The following GAS7 variants were observed in gnomAD, a reference collection of about 807,000 sequenced individuals.
GAS7 encodes growth arrest specific 7, also known as growth arrest-specific protein 7.
A neutral mutation model predicts 71.1 loss-of-function variants in GAS7; 28 were observed. The ratio of observed to expected loss-of-function variants is 0.39; its 90% CI spans 0.29 to 0.54. The LOEUF (loss-of-function observed/expected upper bound fraction) is 0.54. Ranked by LOEUF, GAS7 falls within the 20% of genes least tolerant of loss-of-function variation. The pLI is 0.62. For missense variants in GAS7, 436 were observed against 627.8 expected (o/e 0.69, Z 3.27); for synonymous variants, 258 against 245.8 (o/e 1.05, Z -0.46).
chr17:10,112,893 T>C (rs891709886), intron 1 of GAS7, among the ~76,000 whole-genome samples: 18 of 151,838 alleles, frequency 1.2e-4, no homozygotes, highest in Admixed American at 1.1e-3. Context: ...AGTCCAGTAG[T>C]GTCATCACAA....
At chr17:10,096,674 T>C (rs1471386511) in intron 1 of GAS7, among the ~76,000 whole-genome samples, 3 of 152,206 alleles carry the variant, frequency 2.0e-5, no homozygotes, top group Non-Finnish European at 4.4e-5. Context: ...GCCACTCCAT[T>C]TCATGGGGCT....
chr17:9,998,509 G>A (rs975499946), intron 2 of GAS7, among the ~76,000 whole-genome samples: 1 of 152,152 alleles, frequency 6.6e-6, no homozygotes, highest in African/African-American at 2.4e-5. Flanking sequence ...GAAAGATCGC[G>A]CCCGTGATCC....
intron 7 of GAS7, among the ~76,000 whole-genome samples, chr17:9,941,349 G>A (rs563016564): frequency 2.6e-5 from 4 of 152,120 alleles, no homozygotes; most frequent in African/African-American, 9.7e-5. Flanking sequence ...CCACGCTCCC[G>A]GCTCCTCAAT....
At chr17:10,080,211 G>A (rs756667920) in intron 1 of GAS7, among the ~76,000 whole-genome samples, 4 of 152,240 alleles carry the variant, frequency 2.6e-5, no homozygotes, top group African/African-American at 4.8e-5. Context: ...CTCATTATAC[G>A]CTAATTATAA....
intron 11 of GAS7, among the ~76,000 whole-genome samples, chr17:9,921,163 T>TC (rs1216997269): frequency 1.3e-5 from 2 of 150,672 alleles, no homozygotes; most frequent in East Asian, 3.9e-4. Flanking sequence ...TTTTCTTTTT[T>TC]TTTTTTTTTT....
At position 9,959,328 on chromosome 17, in the gene GAS7, CCT is replaced by C; in HGVS notation, c.472-75_472-74del. The C allele has an allele frequency of 6.2e-7, 1 of 1,607,480 alleles. No individual in the cohort carries two copies. Among genetic ancestry groups the C allele is most frequent in the Non-Finnish European group, 8.5e-7 (1 of 1,176,706 alleles). On this transcript the variant is annotated intron_variant, in intron 4 of 13. Coordinates refer to ENST00000432992, the MANE Select transcript of GAS7 (RefSeq NM_201433.2). The surrounding 1 kb of genome is among the most constrained non-coding windows in gnomAD (Gnocchi z 5.0). Reference sequence around the variant, plus strand: ...ACATTTTTTCCCCCCATTCAGGTTCCCTGAGGGTGGAGGCGCTGGGGAATCAG... The same window carrying C: ...ACATTTTTTCCCCCCATTCAGGTTCCGAGGGTGGAGGCGCTGGGGAATCAG...
Position 9,926,612 on chromosome 17 carries a change from G to A in GAS7, c.1014+29C>T. ...CTTCCAGGCAGTCCCCCATGCACCTGCCCTGGCCCAGCGTCCTGGGCCTCT... is the reference window on the plus strand; with the variant it reads ...CTTCCAGGCAGTCCCCCATGCACCTACCCTGGCCCAGCGTCCTGGGCCTCT... On this transcript the variant is annotated intron_variant, in intron 10 of 13. Transcript: ENST00000432992. This position sits in a 1 kb window ranked among gnomAD's most constrained non-coding sequence, Gnocchi z 5.0. 6.2e-7 allele frequency: 1 copy of A among 1,610,164 alleles called. No individual in the cohort carries two copies. The highest frequency in any genetic ancestry group is 1.1e-5 in the South Asian group (1 of 91,054).
chr17:10,014,959 T>A (rs1286559542), intron 2 of GAS7, among the ~76,000 whole-genome samples: 1 of 151,976 alleles, frequency 6.6e-6, no homozygotes, highest in Non-Finnish European at 1.5e-5. Context: ...ATCAAGACCA[T>A]GCTGGCCAAC....
At chr17:10,135,560 G>A (rs559032556) in intron 1 of GAS7, among the ~76,000 whole-genome samples, 68 of 152,318 alleles carry the variant, frequency 4.5e-4, no homozygotes, top group African/African-American at 1.6e-3. Context: ...GTTTATATCT[G>A]TTTAAGTTCC....
chr17:9,990,892 G>A (rs1024857422), intron 2 of GAS7, among the ~76,000 whole-genome samples: 11 of 152,132 alleles, frequency 7.2e-5, no homozygotes, highest in Admixed American at 6.5e-4. Flanking sequence ...GAGCTCTGGC[G>A]CTGGCATCTT....
chr17:10,142,806 A>T (rs1376679982), intron 1 of GAS7, among the ~76,000 whole-genome samples: 1 of 152,220 alleles, frequency 6.6e-6, no homozygotes, highest in East Asian at 1.9e-4. Context: ...AAACAGTTCT[A>T]TATGAGGATG....
In GAS7 at chr17:9,974,333, C is replaced by T. The variant is rs1044416949; in HGVS notation, c.386-4571G>A. On this transcript the variant is annotated intron_variant, in intron 3 of 13. Transcript: ENST00000432992. The surrounding 1 kb of genome is among the most constrained non-coding windows in gnomAD (Gnocchi z 4.0). ...TAGCCCACAAGATCCTGGCAACCCTCACCCACGGCATTCCTCATTGCTATT... is the reference window on the plus strand; with the variant it reads ...TAGCCCACAAGATCCTGGCAACCCTTACCCACGGCATTCCTCATTGCTATT... Among the ~76,000 whole-genome samples, 6 of 152,168 alleles carry T rather than the reference C, an allele frequency of 3.9e-5. No individual in the cohort carries two copies. Among genetic ancestry groups the T allele is most frequent in the Admixed American group, 1.3e-4 (2 of 15,284 alleles).
chr17:10,176,992 A>T (rs1047690964), intron 1 of GAS7, among the ~76,000 whole-genome samples: 1 of 152,128 alleles, frequency 6.6e-6, no homozygotes, highest in African/African-American at 2.4e-5. Flanking sequence ...GACACCAAGC[A>T]CCATGCCAGA....
At chr17:10,102,857 A>G (rs1338885689) in intron 1 of GAS7, among the ~76,000 whole-genome samples, 1 of 152,000 alleles carries the variant, frequency 6.6e-6, no homozygotes, top group Admixed American at 6.6e-5. Context: ...ACAGGCACTC[A>G]ACTCTTGCTT....
Position 9,962,239 on chromosome 17 carries a change from TACACACACACACAC to T in GAS7, c.472-2998_472-2985del, listed in dbSNP as rs58521200. Among the ~76,000 whole-genome samples the T allele has an allele frequency of 2.7e-5, 4 of 148,736 alleles. No individual in the cohort carries two copies. In the East Asian group the frequency reaches 8.0e-4, roughly 30 times the overall value. ...TCATATACATATCACGTGCATTTTATACACACACACACACACACACACACACACGTGACACACAC... is the reference window on the plus strand; with the variant it reads ...TCATATACATATCACGTGCATTTTATACACACACACACACGTGACACACAC... On this transcript the variant is annotated intron_variant, in intron 4 of 13. Coordinates refer to ENST00000432992, the MANE Select transcript of GAS7 (RefSeq NM_201433.2).
chr17:10,104,635 C>A (rs1183286580), intron 1 of GAS7, among the ~76,000 whole-genome samples: 1 of 152,132 alleles, frequency 6.6e-6, no homozygotes, highest in Non-Finnish European at 1.5e-5. Flanking sequence ...CAAAACTAGA[C>A]CTGCTCTCCA....
At chr17:10,143,490 C>T (rs1020564373) in intron 1 of GAS7, among the ~76,000 whole-genome samples, 4 of 150,204 alleles carry the variant, frequency 2.7e-5, no homozygotes, top group Admixed American at 1.3e-4. Context: ...TGCAGTGAGC[C>T]GAGATCATGC....
intron 1 of GAS7, among the ~76,000 whole-genome samples, chr17:10,094,751 A>C (rs948911639): frequency 6.6e-6 from 1 of 152,114 alleles, no homozygotes; most frequent in Non-Finnish European, 1.5e-5. Flanking sequence ...TACAGGTGTG[A>C]GCCACCGCGC....
chr17:9,961,231 T>C (rs117192997), intron 4 of GAS7, among the ~76,000 whole-genome samples: 1,709 of 152,270 alleles, frequency 0.011, 18 homozygotes, highest in Non-Finnish European at 0.02. Context: ...TAGACATTTT[T>C]AGTGCATCAT....
Sources: allele counts gnomAD v4.1 joint callset (sites outside exome capture counted in the v4.1 genomes callset), GRCh38; gene constraint gnomAD v4.1.1; non-coding constraint Gnocchi (gnomAD v3.1); transcripts MANE v1.5; gene names NCBI Gene and HGNC (gene_info 2026-07-23, HGNC 2026-07-21).